ABCB4: variants seen among roughly 807,000 people sequenced by gnomAD.
The protein encoded by ABCB4 is ATP binding cassette subfamily B member 4.
In ABCB4, 76 loss-of-function variants were observed where a neutral mutation model predicts 145.7. That is an observed-to-expected ratio of 0.52 (90% CI 0.43 to 0.63). The LOEUF is 0.63. Among genes scored for constraint, ABCB4 ranks in the 30% least tolerant of loss-of-function variants. The pLI is 0.00. For synonymous variants in ABCB4, 517 were observed against 566.8 expected (o/e 0.91, Z 1.25); for missense variants, 1,234 against 1,553.1 (o/e 0.79, Z 3.45).
chr7:87,419,795 AAC>A lies in ABCB4; in HGVS notation c.2394+201_2394+202del, dbSNP rs567475396. Among the ~76,000 whole-genome samples the A allele has an allele frequency of 0.079, 7,619 of 96,718 alleles. 706 individuals carry two copies. Among genetic ancestry groups the A allele is most frequent in the African/African-American group, 0.22 (7,023 of 32,508 alleles). 63.5% of individuals were successfully genotyped at this position (96,718 alleles called of 152,430 possible). On this transcript the variant is annotated intron_variant, in intron 19 of 27. Coordinates refer to ENST00000649586, the MANE Select transcript of ABCB4 (RefSeq NM_000443.4). The stretch of plus-strand genomic sequence containing the variant: ...AATAAAGCCTATTTCTATGAAAAAA[AAC>A]AAAAACAAAAAAAAAACAAAAAAAA...
At chr7:87,397,438 T>C (rs535625022), downstream of ABCB4, among the ~76,000 whole-genome samples, 1 of 152,322 alleles carries the variant, frequency 6.6e-6, no homozygotes, top group East Asian at 1.9e-4. Context: ...GTTTTCATTG[T>C]TTTTGGCATT....
At chr7:87,451,567 T>C in intron 7 of ABCB4, 56 bp downstream of exon 7, 1 of 1,600,114 alleles carries the variant, frequency 6.2e-7, no homozygotes, top group Non-Finnish European at 8.6e-7. Context: ...TTCTGCATAT[T>C]AAAGATTACT....
At chr7:87,431,673 T>C in intron 14 of ABCB4, 108 bp from the exon 15 acceptor site, 1 of 1,365,430 alleles carries the variant, frequency 7.3e-7, no homozygotes, top group Non-Finnish European at 1.0e-6. Flanking sequence ...GATTAGAGAG[T>C]AGTTTATACT....
chr7:87,396,092 T>C, the ABCB4 span, among the ~76,000 whole-genome samples: 1 of 152,072 alleles, frequency 6.6e-6, no homozygotes, highest in African/African-American at 2.4e-5. Context: ...ATGAAAGAGA[T>C]TGTCGATATG....
rs1811742996 is a variant in ABCB4 at position 87,451,680 on chromosome 7, G to C, written c.651C>G (p.Thr217=). The change falls in exon 7 of 28, where the codon ACC becomes ACG. Residue 217 remains threonine, a synonymous_variant. Coordinates refer to ENST00000649586, the MANE Select transcript of ABCB4 (RefSeq NM_000443.4). ...TAGGGCTGATGGCCATTATCACAAG[G>C]GTGAGCTTCCATCCTCTGATGAATC... The part of the protein sequence containing the change: ...IVGFIRGWKL[T]LVIMAISPIL... The C allele has an allele frequency of 6.2e-7, 1 of 1,613,954 alleles. No homozygotes were observed.
the ABCB4 span, among the ~76,000 whole-genome samples, chr7:87,372,958 G>A: frequency 6.6e-6 from 1 of 152,062 alleles, no homozygotes; most frequent in Non-Finnish European, 1.5e-5. Flanking sequence ...AGGTTTTCAT[G>A]TAAACATATG....
At chr7:87,391,474 T>A in the ABCB4 span, 3 of 942,572 alleles carry the variant, frequency 3.2e-6, no homozygotes, top group African/African-American at 5.2e-5. Flanking sequence ...CTCCAACCTA[T>A]CTGTGTTAAA....
At position 87,406,420 on chromosome 7, in the gene ABCB4, C is replaced by A. The variant is rs2116343074; in HGVS notation, c.3354G>T (p.Glu1118Asp). 4 of 1,613,978 alleles carry A rather than the reference C, an allele frequency of 2.5e-6. No homozygotes were observed. The highest frequency in any genetic ancestry group is 3.4e-6 in the Non-Finnish European group (4 of 1,180,000). ...LRAQLGIVSQ[E>D]PILFDCSIAE... ...CAATGCTGCAGTCAAATAGGATAGG[C>A]TCCTGAGACACGATTCCGAGTTGAG... The change falls in exon 26 of 28, where the codon GAG becomes GAT. Residue 1118 changes from glutamate (E) to aspartate (D), a missense_variant. Coordinates refer to ENST00000649586, the MANE Select transcript of ABCB4 (RefSeq NM_000443.4).
chr7:87,420,130 C>G lies in ABCB4; in HGVS notation c.2317-55G>C, dbSNP rs536320157. 130 of 1,519,924 alleles carry G rather than the reference C, an allele frequency of 8.6e-5. No homozygotes were observed. The African/African-American group carries it at 1.6e-3, about 19-fold the overall frequency. 94.2% of individuals were successfully genotyped at this position (1,519,924 alleles called of 1,614,324 possible). ...TTGATCTTTATGTATGTAATTGCACCAGACCAATCATGTTCAACTTTTATG... is the reference window on the plus strand; with the variant it reads ...TTGATCTTTATGTATGTAATTGCACGAGACCAATCATGTTCAACTTTTATG... On this transcript the variant is annotated intron_variant, in intron 18 of 27. Coordinates refer to ENST00000649586, the MANE Select transcript of ABCB4 (RefSeq NM_000443.4).
At chr7:87,393,032 T>C in the ABCB4 span, 3 of 1,613,446 alleles carry the variant, frequency 1.9e-6, no homozygotes, top group African/African-American at 4.0e-5. Flanking sequence ...TGGTACACAA[T>C]GGTTATGGAT....
the ABCB4 span, among the ~76,000 whole-genome samples, chr7:87,376,196 A>G: frequency 1.3e-5 from 2 of 152,140 alleles, no homozygotes; most frequent in Admixed American, 1.3e-4. Context: ...ATGACTTTGC[A>G]TATCACATAT....
chr7:87,432,911 A>C (rs962518657), intron 14 of ABCB4, among the ~76,000 whole-genome samples: 1 of 152,204 alleles, frequency 6.6e-6, no homozygotes, highest in Admixed American at 6.5e-5. Context: ...ATTCTGAAAA[A>C]GAAGTTAATG....
the ABCB4 span, chr7:87,382,402 C>A: frequency 1.9e-6 from 3 of 1,607,702 alleles, no homozygotes; most frequent in Non-Finnish European, 2.5e-6. Context: ...TCATTTAATT[C>A]TTCTTGTTAG....
chr7:87,370,278 G>A, the ABCB4 span, among the ~76,000 whole-genome samples: 1 of 152,120 alleles, frequency 6.6e-6, no homozygotes, highest in Non-Finnish European at 1.5e-5. Flanking sequence ...CACATTCCAG[G>A]TTCAAGTGAT....
chr7:87,413,631 C>G lies in ABCB4; in HGVS notation c.2769G>C (p.Leu923Phe). ...RKFESMYVEK[L>F]YGPYRNSVQK... is the part of the protein sequence containing the mutation. Reference sequence around the variant, plus strand: ...TGGTTCATTACCTGTAAGGTCCATACAATTTTTCAACATACATTGATTCAA... The same window carrying G: ...TGGTTCATTACCTGTAAGGTCCATAGAATTTTTCAACATACATTGATTCAA... The change falls in exon 22 of 28, where the codon TTG (leucine) becomes TTC (phenylalanine). Residue 923 changes from leucine to phenylalanine, a missense_variant. This residue lies in a region of ABCB4 where 301 missense variants were observed against 389.0 expected (regional missense o/e 0.77). Transcript: ENST00000649586. 2 of 1,606,940 alleles carry G rather than the reference C, an allele frequency of 1.2e-6. No homozygotes were observed. The highest frequency in any genetic ancestry group is 1.7e-6 in the Non-Finnish European group (2 of 1,174,556).
At chr7:87,371,147 A>C in the ABCB4 span, among the ~76,000 whole-genome samples, 18 of 152,096 alleles carry the variant, frequency 1.2e-4, no homozygotes, top group African/African-American at 3.4e-4. Context: ...GTTTTAAAAA[A>C]TTTTTCCCTA....
At chr7:87,368,353 T>G in the ABCB4 span, among the ~76,000 whole-genome samples, 1 of 152,084 alleles carries the variant, frequency 6.6e-6, no homozygotes, top group Admixed American at 6.6e-5. Flanking sequence ...CCCTAAACTT[T>G]GAAAGGGGTG....
At chr7:87,407,960 A>G (rs1808323510) in intron 25 of ABCB4, 77 bp downstream of exon 25, 7 of 1,583,000 alleles carry the variant, frequency 4.4e-6, no homozygotes, top group South Asian at 1.1e-5. Flanking sequence ...CATTTGTCCA[A>G]TATTTTCCAT....
intron 4 of ABCB4, among the ~76,000 whole-genome samples, chr7:87,460,890 A>T (rs1487754851): frequency 6.6e-6 from 1 of 152,178 alleles, no homozygotes; most frequent in African/African-American, 2.4e-5. Context: ...TACAAAATTA[A>T]TATGTTGTAG....
Sources: allele counts gnomAD v4.1 joint callset (sites outside exome capture counted in the v4.1 genomes callset), GRCh38; gene constraint gnomAD v4.1.1; regional missense constraint gnomAD v4.1.1; transcripts MANE v1.5; gene names NCBI Gene and HGNC (gene_info 2026-07-23, HGNC 2026-07-21).